ATG7: variants seen among roughly 807,000 people sequenced by gnomAD.
ATG7 encodes the protein ubiquitin-like modifier-activating enzyme ATG7.
A neutral mutation model predicts 82.4 loss-of-function variants in ATG7; 70 were observed. The observed-to-expected ratio is 0.85, with a 90% confidence interval of 0.70 to 1.04. The LOEUF (loss-of-function observed/expected upper bound fraction) is 1.04, where lower values mean the gene tolerates loss of function less well. Ranked by LOEUF, ATG7 falls within the 50% of genes least tolerant of loss-of-function variation. The pLI is 0.00. For synonymous variants in ATG7, 287 were observed against 313.0 expected (o/e 0.92, Z 0.88); for missense variants, 792 against 864.3 (o/e 0.92, Z 1.05).
At chr3:11,295,272 A>G (rs556215161) in intron 3 of ATG7, among the ~76,000 whole-genome samples, 2 of 152,374 alleles carry the variant, frequency 1.3e-5, no homozygotes, top group African/African-American at 2.4e-5. Context: ...CTTATCAATT[A>G]TATAGAAAAA....
At position 11,557,640 on chromosome 3, in the gene ATG7, CAAAAAT is replaced by C. The variant is rs764039424; in HGVS notation, c.*2801_*2806del. ...TAAGTATATCTAGGACTGTAACTGACAAAAATAAACTAATTCTGAAAAGAAGATAGT... is the reference window on the plus strand; with the variant it reads ...TAAGTATATCTAGGACTGTAACTGACAAACTAATTCTGAAAAGAAGATAGT... On this transcript the variant is annotated 3_prime_UTR_variant, in exon 21 of 21. Coordinates refer to ENST00000693202, the MANE Select transcript of ATG7 (RefSeq NM_001349232.2). 8 of 152,712 alleles carry C rather than the reference CAAAAAT, an allele frequency of 5.2e-5. No individual in the cohort carries two copies. The highest frequency in any genetic ancestry group is 8.8e-5 in the Non-Finnish European group (6 of 68,038). The allele number at this position is 152,712 out of a possible 1,614,324, so 9.5% of individuals were successfully genotyped here. A position where few individuals can be genotyped will look rare whatever the true frequency, so the allele number is the denominator to read the frequency against.
intron 20 of ATG7, among the ~76,000 whole-genome samples, chr3:11,554,419 A>T (rs2042361879): frequency 6.6e-6 from 1 of 152,170 alleles, no homozygotes; most frequent in African/African-American, 2.4e-5. Flanking sequence ...TCCTGCCCTC[A>T]GGGAGCTTGC....
chr3:11,514,078 T>G (rs986680992), intron 20 of ATG7, among the ~76,000 whole-genome samples: 2 of 152,236 alleles, frequency 1.3e-5, no homozygotes, highest in African/African-American at 4.8e-5. Flanking sequence ...TCTCAGCCAC[T>G]GTGTTTAGTT....
chr3:11,417,805 ATTTTATTTTAT>A (rs1162021248), intron 19 of ATG7, among the ~76,000 whole-genome samples: 214 of 52,218 alleles, frequency 4.1e-3, no homozygotes, highest in Middle Eastern at 0.011. Flanking sequence ...TTATTATTTT[ATTTTATTTTAT>A]TTTTTTTTTT....
At chr3:11,447,166 A>G (rs2442799) in intron 20 of ATG7, among the ~76,000 whole-genome samples, 129,841 of 152,096 alleles carry the variant, frequency 0.85, 55,632 homozygotes, top group East Asian at 1. Flanking sequence ...TCTTTTTAGC[A>G]TAAAAGAGTA....
downstream of ATG7, among the ~76,000 whole-genome samples, chr3:11,560,710 C>G (rs974198499): frequency 4.6e-5 from 7 of 152,164 alleles, 1 homozygote; most frequent in South Asian, 1.5e-3. Context: ...GGCTTAGCAA[C>G]AGCAGACCAA....
intron 20 of ATG7, among the ~76,000 whole-genome samples, chr3:11,432,680 C>T (rs2083008383): frequency 6.6e-6 from 1 of 152,086 alleles, no homozygotes. Flanking sequence ...GGACAGATAG[C>T]CGTATTCTTT....
intron 20 of ATG7, among the ~76,000 whole-genome samples, chr3:11,551,189 G>A (rs1005925637): frequency 5.9e-5 from 9 of 152,156 alleles, no homozygotes; most frequent in African/African-American, 7.2e-5. Context: ...TGAGTGTTCC[G>A]TGCTGACGCA....
intron 14 of ATG7, among the ~76,000 whole-genome samples, chr3:11,352,375 G>A (rs113985438): frequency 1.7e-4 from 26 of 152,200 alleles, no homozygotes; most frequent in Admixed American, 7.2e-4. Context: ...CCAGTAATGG[G>A]ATGGTTGGGT....
At chr3:11,566,123 G>A in the ATG7 span, among the ~76,000 whole-genome samples, 18 of 152,304 alleles carry the variant, frequency 1.2e-4, no homozygotes, top group African/African-American at 3.6e-4. Context: ...CACAGCCCCC[G>A]TCCCGGACTG....
chr3:11,502,954 A>T (rs1292824355), intron 20 of ATG7, among the ~76,000 whole-genome samples: 1 of 152,166 alleles, frequency 6.6e-6, no homozygotes, highest in African/African-American at 2.4e-5. Flanking sequence ...TTGGATTAGG[A>T]TACACCAGCC....
At chr3:11,324,606 C>G (rs766308063) in intron 9 of ATG7, among the ~76,000 whole-genome samples, 12 of 152,118 alleles carry the variant, frequency 7.9e-5, no homozygotes, top group Admixed American at 2.0e-4. Context: ...GGTCAGGTTG[C>G]TCTAAGAAAC....
chr3:11,286,702 G>A (rs761777217), intron 3 of ATG7, among the ~76,000 whole-genome samples: 65 of 146,990 alleles, frequency 4.4e-4, no homozygotes, highest in African/African-American at 1.6e-3. Context: ...AGGCTTAAGC[G>A]ATCCTCCACC....
chr3:11,490,700 G>A (rs1381305462), intron 20 of ATG7, among the ~76,000 whole-genome samples: 3 of 152,198 alleles, frequency 2.0e-5, no homozygotes, highest in East Asian at 3.9e-4. Context: ...TTGCTTGTCT[G>A]TAAAGTATTT....
At chr3:11,306,534 C>T (rs563554751) in intron 5 of ATG7, among the ~76,000 whole-genome samples, 1 of 152,174 alleles carries the variant, frequency 6.6e-6, no homozygotes, top group South Asian at 2.1e-4. Context: ...GTTTTAGATT[C>T]AAGCTCTGCC....
intron 20 of ATG7, among the ~76,000 whole-genome samples, chr3:11,549,929 G>A (rs564106796): frequency 6.6e-6 from 1 of 152,184 alleles, no homozygotes; most frequent in East Asian, 1.9e-4. Flanking sequence ...CCGAGGAGGT[G>A]GGGTGCACTG....
chr3:11,446,479 A>C (rs1289565993), intron 20 of ATG7: 2 of 435,568 alleles, frequency 4.6e-6, no homozygotes, highest in Non-Finnish European at 9.1e-6. Flanking sequence ...CATCATTCAA[A>C]ATACTTTATT....
chr3:11,564,835 C>G, the ATG7 span: 2 of 1,596,118 alleles, frequency 1.3e-6, no homozygotes, highest in East Asian at 4.5e-5. Context: ...GGCGAGAGGC[C>G]GGCTGGCCTG....
chr3:11,365,804 A>C (rs73127242), intron 18 of ATG7, among the ~76,000 whole-genome samples: 2,384 of 152,274 alleles, frequency 0.016, 58 homozygotes, highest in African/African-American at 0.054. Flanking sequence ...ATCCATACCT[A>C]AACTTGGCAG....
Sources: allele counts gnomAD v4.1 joint callset (sites outside exome capture counted in the v4.1 genomes callset), GRCh38; gene constraint gnomAD v4.1.1; transcripts MANE v1.5; gene names NCBI Gene and HGNC (gene_info 2026-07-23, HGNC 2026-07-21).